The following MKLN1 variants were observed in gnomAD, a reference collection of about 807,000 sequenced individuals.
The protein encoded by MKLN1 is muskelin 1.
A neutral mutation model predicts 99.0 loss-of-function variants in MKLN1; 18 were observed. That is an observed-to-expected ratio of 0.18 (90% CI 0.13 to 0.27). The LOEUF (loss-of-function observed/expected upper bound fraction) is 0.27. Ranked by LOEUF, MKLN1 falls within the 10% of genes least tolerant of loss-of-function variation. The pLI is 1.00. For missense variants in MKLN1, 621 were observed against 875.9 expected (o/e 0.71, Z 3.67); for synonymous variants, 288 against 293.2 (o/e 0.98, Z 0.18).
chr7:131,164,610 G>C (rs1304672937), intron 2 of MKLN1, among the ~76,000 whole-genome samples: 1 of 152,098 alleles, frequency 6.6e-6, no homozygotes, highest in East Asian at 1.9e-4. Flanking sequence ...GATTTTTAGT[G>C]CCCCTTCATT....
chr7:131,444,734 AGT>A (rs1463529512), intron 11 of MKLN1, among the ~76,000 whole-genome samples: 3 of 125,178 alleles, frequency 2.4e-5, no homozygotes, highest in African/African-American at 1.0e-4. Context: ...TAGTAGTAGT[AGT>A]AGTAGTAGTA....
chr7:131,411,906 CAAAAAAAAAAAAAAAAAAAAA>C (rs34182914), intron 7 of MKLN1, among the ~76,000 whole-genome samples: 41 of 53,114 alleles, frequency 7.7e-4, no homozygotes, highest in African/African-American at 2.4e-3. Flanking sequence ...GATTCCATCT[CAAAAAAAAAAAAAAAAAAAAA>C]AAAAAAAAAA....
At chr7:131,465,837 C>T (rs1796647488) in intron 14 of MKLN1, among the ~76,000 whole-genome samples, 1 of 152,110 alleles carries the variant, frequency 6.6e-6, no homozygotes, top group Admixed American at 6.5e-5. Flanking sequence ...CCGCGCCTGG[C>T]CTAAAATTTT....
intron 2 of MKLN1, among the ~76,000 whole-genome samples, chr7:131,180,471 G>T (rs1485961308): frequency 6.6e-6 from 1 of 152,172 alleles, no homozygotes; most frequent in Non-Finnish European, 1.5e-5. Context: ...GGCCGAGGCG[G>T]GCGGATCACC....
intron 2 of MKLN1, among the ~76,000 whole-genome samples, chr7:131,143,935 C>CA (rs1795778475): frequency 6.6e-6 from 1 of 152,220 alleles, no homozygotes; most frequent in Non-Finnish European, 1.5e-5. Context: ...AACCATACTC[C>CA]AAAAACAACT....
intron 2 of MKLN1, among the ~76,000 whole-genome samples, chr7:131,152,470 T>G (rs1795901086): frequency 1.3e-5 from 2 of 151,864 alleles, no homozygotes; most frequent in South Asian, 4.1e-4. Context: ...TTTTATAACT[T>G]ACTTTTGTTG....
At chr7:131,322,627 G>A (rs1018483165) in intron 3 of MKLN1, among the ~76,000 whole-genome samples, 1 of 147,862 alleles carries the variant, frequency 6.8e-6, no homozygotes, top group Admixed American at 6.8e-5. Flanking sequence ...GCGGACTGCA[G>A]TGGCGCAATC....
At chr7:131,262,163 C>G (rs1406734382) in intron 3 of MKLN1, among the ~76,000 whole-genome samples, 7 of 152,102 alleles carry the variant, frequency 4.6e-5, no homozygotes, top group Admixed American at 1.3e-4. Context: ...CGGCTGGGCA[C>G]AGTGGCTCAC....
chr7:131,424,221 TA>T (rs1795290661), intron 8 of MKLN1, among the ~76,000 whole-genome samples: 1 of 152,198 alleles, frequency 6.6e-6, no homozygotes, highest in Non-Finnish European at 1.5e-5. Context: ...AACCTTTTTT[TA>T]AAAAATTTTT....
intron 2 of MKLN1, among the ~76,000 whole-genome samples, chr7:131,145,843 T>C (rs28733261): frequency 0.053 from 8,060 of 152,228 alleles, 271 homozygotes; most frequent in African/African-American, 0.085. Context: ...CCACTGGAGG[T>C]AGTAAATTCC....
At chr7:131,236,340 C>A (rs952730449) in intron 3 of MKLN1, among the ~76,000 whole-genome samples, 20 of 152,094 alleles carry the variant, frequency 1.3e-4, no homozygotes, top group Non-Finnish European at 5.9e-5. Context: ...TGTATGTCCC[C>A]TTTCTCGTGG....
intron 2 of MKLN1, among the ~76,000 whole-genome samples, chr7:131,156,447 C>CAAAAAAAAAAAA (rs143988738): frequency 1.3e-5 from 1 of 74,670 alleles, no homozygotes; most frequent in Admixed American, 1.7e-4. Context: ...GACTCTGTCT[C>CAAAAAAAAAAAA]AAAAAAAAAA....
At chr7:131,178,814 C>T (rs1433954166) in intron 2 of MKLN1, among the ~76,000 whole-genome samples, 3 of 152,156 alleles carry the variant, frequency 2.0e-5, no homozygotes, top group Admixed American at 6.5e-5. Flanking sequence ...AGGTGAATTC[C>T]TTAGACATAG....
chr7:131,338,845 A>G (rs1366487331), intron 1 of MKLN1, among the ~76,000 whole-genome samples: 1 of 152,210 alleles, frequency 6.6e-6, no homozygotes, highest in African/African-American at 2.4e-5. Context: ...TTGCAGATCT[A>G]CTTACACGTG....
Position 131,310,897 on chromosome 7 carries a change from A to G in MKLN1, c.-178-64527A>G, listed in dbSNP as rs536753450. On this transcript the variant is annotated intron_variant, in intron 3 of 7. Coordinates refer to the MKLN1 transcript ENST00000416992. Reference sequence around the variant, plus strand: ...GGTAGAGAGAAAGGCAGATGTTTCAATGTTGTTCACAAAGGTATTTTTACC... The same window carrying G: ...GGTAGAGAGAAAGGCAGATGTTTCAGTGTTGTTCACAAAGGTATTTTTACC... 41 of 152,312 alleles carry G rather than the reference A, an allele frequency of 2.7e-4. No individual in the cohort carries two copies. In the South Asian group the frequency reaches 8.5e-3, roughly 32 times the overall value. 9.4% of individuals were successfully genotyped at this position (152,312 alleles called of 1,614,324 possible). A position where few individuals can be genotyped will look rare whatever the true frequency, so the allele number is the denominator to read the frequency against.
At chr7:131,481,912 T>G (rs1374680385) in intron 17 of MKLN1, among the ~76,000 whole-genome samples, 3 of 151,384 alleles carry the variant, frequency 2.0e-5, no homozygotes, top group Non-Finnish European at 4.4e-5. Flanking sequence ...TAAATAAAAG[T>G]ATTAATATTG....
chr7:131,411,542 G>A (rs1440083634), intron 7 of MKLN1, among the ~76,000 whole-genome samples, 159 bp downstream of exon 7: 2 of 152,054 alleles, frequency 1.3e-5, no homozygotes, highest in African/African-American at 2.4e-5. Flanking sequence ...GGAGGCCGAG[G>A]CAGGAGGATT....
intron 17 of MKLN1, chr7:131,478,913 G>C (rs1797042024): frequency 1.8e-6 from 1 of 551,608 alleles, no homozygotes; most frequent in African/African-American, 1.9e-5. Context: ...TATGCAAACA[G>C]ATAGCAATAG....
At chr7:131,402,502 A>G (rs1794578480) in intron 6 of MKLN1, among the ~76,000 whole-genome samples, 1 of 152,178 alleles carries the variant, frequency 6.6e-6, no homozygotes, top group African/African-American at 2.4e-5. Flanking sequence ...AATGTTCTTA[A>G]TGGCATCTAG....
Sources: gnomAD v4.1 joint callset for allele counts (sites outside exome capture counted in the v4.1 genomes callset) on GRCh38, gnomAD v4.1.1 for gene constraint, MANE v1.5 for transcripts, NCBI Gene and HGNC (gene_info 2026-07-23, HGNC 2026-07-21) for gene names.